CDKAL1: variants seen among roughly 807,000 people sequenced by gnomAD.
CDKAL1 encodes the protein threonylcarbamoyladenosine tRNA methylthiotransferase.
CDKAL1 carries 32 observed loss-of-function variants against 68.2 expected under a neutral mutation model. The ratio of observed to expected loss-of-function variants is 0.47; its 90% CI spans 0.35 to 0.63. The LOEUF (loss-of-function observed/expected upper bound fraction) is 0.63. CDKAL1 is among the 30% of genes least tolerant of loss of function. The pLI is 0.00. For missense variants in CDKAL1, 606 were observed against 696.7 expected (o/e 0.87, Z 1.47); for synonymous variants, 234 against 244.3 (o/e 0.96, Z 0.39).
At chr6:21,081,124 C>T (rs759311163) in intron 12 of CDKAL1, among the ~76,000 whole-genome samples, 26 of 152,030 alleles carry the variant, frequency 1.7e-4, no homozygotes, top group Non-Finnish European at 2.8e-4. Flanking sequence ...TAAACTCAAC[C>T]TGTTTCTTAT....
At chr6:20,559,803 T>C (rs1764198033) in intron 4 of CDKAL1, 2 of 152,198 alleles carry the variant, frequency 1.3e-5, no homozygotes, top group Non-Finnish European at 2.9e-5. Flanking sequence ...TTCAGAAACT[T>C]GACATTTGCT....
intron 15 of CDKAL1, among the ~76,000 whole-genome samples, chr6:21,205,865 T>C (rs533244883): frequency 2.6e-3 from 222 of 85,724 alleles, no homozygotes; most frequent in Middle Eastern, 8.9e-3. Context: ...GACAGAGTCT[T>C]GCTCTGTCGC....
chr6:20,777,411 G>A (rs1035948142), intron 7 of CDKAL1, among the ~76,000 whole-genome samples: 1 of 152,134 alleles, frequency 6.6e-6, no homozygotes, highest in African/African-American at 2.4e-5. Context: ...CCAGGAGTTT[G>A]AGACCAGCTT....
chr6:21,068,621 A>T (rs987153418), intron 12 of CDKAL1, among the ~76,000 whole-genome samples: 1 of 152,184 alleles, frequency 6.6e-6, no homozygotes, highest in Admixed American at 6.5e-5. Context: ...ACACAGGTTA[A>T]CTACCATAGC....
chr6:21,141,111 A>C (rs1056136207), intron 13 of CDKAL1, among the ~76,000 whole-genome samples: 5 of 152,196 alleles, frequency 3.3e-5, no homozygotes, highest in Admixed American at 2.6e-4. Flanking sequence ...GAATGGGGAC[A>C]CAGCCAAACC....
rs531948398 is a variant in CDKAL1 at position 20,744,902 on chromosome 6, T to A, written c.468+5287T>A. 9.2e-5 allele frequency among the ~76,000 whole-genome samples: 14 copies of A among 152,320 alleles called. No individual in the cohort carries two copies. The East Asian group carries it at 1.5e-3, about 17-fold the overall frequency. On this transcript the variant is annotated intron_variant, in intron 6 of 15. Coordinates refer to ENST00000274695, the MANE Select transcript of CDKAL1 (RefSeq NM_017774.3). ...GGTGTTAATTCATTGGACTGATCAT[T>A]GTAACTAATTATAGCTCTAGAAATT...
chr6:20,826,651 G>A (rs780603950), intron 8 of CDKAL1, among the ~76,000 whole-genome samples: 32 of 152,080 alleles, frequency 2.1e-4, no homozygotes, highest in Non-Finnish European at 3.8e-4. Context: ...TACTAATCAC[G>A]AACTCCGTCC....
chr6:20,861,110 T>C (rs972204741), intron 9 of CDKAL1, among the ~76,000 whole-genome samples: 2 of 152,010 alleles, frequency 1.3e-5, no homozygotes, highest in African/African-American at 4.8e-5. Context: ...TCAGGACTGA[T>C]AGAGGATTTG....
intron 9 of CDKAL1, among the ~76,000 whole-genome samples, chr6:20,945,744 ACTTT>A (rs1303008911): frequency 6.6e-6 from 1 of 152,172 alleles, no homozygotes; most frequent in African/African-American, 2.4e-5. Context: ...GACAAGCACC[ACTTT>A]CTTTCCCTCT....
At chr6:20,684,136 G>A (rs1275154568) in intron 5 of CDKAL1, among the ~76,000 whole-genome samples, 2 of 152,088 alleles carry the variant, frequency 1.3e-5, no homozygotes, top group African/African-American at 4.8e-5. Flanking sequence ...CTAAGTTTTG[G>A]CAATTATGAA....
At chr6:21,150,394 A>G (rs1038363767) in intron 13 of CDKAL1, among the ~76,000 whole-genome samples, 3 of 152,212 alleles carry the variant, frequency 2.0e-5, no homozygotes, top group African/African-American at 4.8e-5. Flanking sequence ...GCTTGCTTCC[A>G]TGGCCATTTC....
At chr6:21,167,458 A>G (rs190595202) in intron 13 of CDKAL1, among the ~76,000 whole-genome samples, 44 of 152,328 alleles carry the variant, frequency 2.9e-4, no homozygotes, top group African/African-American at 1.0e-3. Flanking sequence ...TATAATAGAT[A>G]TGAAAACCCT....
chr6:21,109,062 A>T lies in CDKAL1; in HGVS notation c.1299+599A>T, dbSNP rs924626789. On this transcript the variant is annotated intron_variant, in intron 13 of 15. Coordinates refer to ENST00000274695, the MANE Select transcript of CDKAL1 (RefSeq NM_017774.3). The stretch of plus-strand genomic sequence containing the variant: ...CCTCATGTTTGAAAAATTCCTAGAC[A>T]TCTTTTCACTTGTAAGTATTTTACA... Among the ~76,000 whole-genome samples the T allele has an allele frequency of 5.9e-5, 9 of 152,292 alleles. No individual in the cohort carries two copies. In the South Asian group the frequency reaches 1.9e-3, roughly 32 times the overall value.
chr6:20,743,701 T>C (rs2150329798), intron 6 of CDKAL1, among the ~76,000 whole-genome samples: 1 of 152,258 alleles, frequency 6.6e-6, no homozygotes, highest in East Asian at 1.9e-4. Context: ...TGATGGTGCA[T>C]GGAAAGAAAA....
chr6:20,610,338 C>T (rs1471843761), intron 4 of CDKAL1, among the ~76,000 whole-genome samples: 2 of 152,092 alleles, frequency 1.3e-5, no homozygotes, highest in African/African-American at 2.4e-5. Flanking sequence ...GTCTTTAGGT[C>T]TTTGAGGAAT....
intron 9 of CDKAL1, among the ~76,000 whole-genome samples, chr6:20,913,617 A>G (rs1762577201): frequency 3.9e-5 from 6 of 152,178 alleles, no homozygotes; most frequent in Admixed American, 2.6e-4. Context: ...GTGTGACTCC[A>G]CACTGCCCAA....
At chr6:20,788,718 A>G (rs1053288730) in intron 8 of CDKAL1, among the ~76,000 whole-genome samples, 1 of 152,186 alleles carries the variant, frequency 6.6e-6, no homozygotes, top group Non-Finnish European at 1.5e-5. Flanking sequence ...CTCTACCGTC[A>G]TTCTCTGAGA....
intron 15 of CDKAL1, among the ~76,000 whole-genome samples, chr6:21,204,786 T>G (rs1040547982): frequency 4.6e-5 from 7 of 152,030 alleles, no homozygotes; most frequent in African/African-American, 1.7e-4. Flanking sequence ...TTGTGTGTTT[T>G]AATTGTGGTA....
chr6:20,951,934 T>G (rs548707281), intron 9 of CDKAL1, among the ~76,000 whole-genome samples: 1 of 150,994 alleles, frequency 6.6e-6, no homozygotes, highest in South Asian at 2.1e-4. Flanking sequence ...TAGTTCTTCC[T>G]GCTTTTATCT....
Sources: allele counts gnomAD v4.1 joint callset (sites outside exome capture counted in the v4.1 genomes callset), GRCh38; gene constraint gnomAD v4.1.1; transcripts MANE v1.5; gene names NCBI Gene and HGNC (gene_info 2026-07-23, HGNC 2026-07-21).